The following SBF2 variants were observed in gnomAD, a reference collection of about 807,000 sequenced individuals.
SBF2 encodes myotubularin-related protein 13.
In SBF2, 112 loss-of-function variants were observed where a neutral mutation model predicts 225.2. The observed-to-expected ratio is 0.50, with a 90% CI of 0.43 to 0.58. The LOEUF is 0.58. Among genes scored for constraint, SBF2 ranks in the 20% least tolerant of loss-of-function variants. The probability of loss-of-function intolerance (pLI) is 0.00; values close to 1 mark genes in which losing one functional copy is unlikely to be tolerated. For missense variants in SBF2, 1,996 were observed against 2,206.2 expected (o/e 0.90, Z 1.91); for synonymous variants, 763 against 773.3 (o/e 0.99, Z 0.22).
intron 32 of SBF2, among the ~76,000 whole-genome samples, chr11:9,798,342 G>GAATC (rs530165222): frequency 6.3e-4 from 96 of 152,250 alleles, no homozygotes; most frequent in African/African-American, 2.3e-3. Context: ...TGTTGCTTTG[G>GAATC]AATCAACAGC....
At chr11:10,300,353 C>A (rs1409289993) in intron 1 of SBF2, among the ~76,000 whole-genome samples, 1 of 152,050 alleles carries the variant, frequency 6.6e-6, no homozygotes, top group Non-Finnish European at 1.5e-5. Context: ...ACTATCAATT[C>A]ATTCAGGCTT....
rs746127924 is a variant in SBF2 at position 9,807,985 on chromosome 11, G to A, written c.4443+15C>T. 8 of 1,612,458 alleles carry A rather than the reference G, an allele frequency of 5.0e-6. No individual in the cohort carries two copies. Among genetic ancestry groups the A allele is most frequent in the Admixed American group, 3.3e-5 (2 of 59,976 alleles). On this transcript the variant is annotated intron_variant, in intron 32 of 39. Transcript: ENST00000256190. ...TTTCCTTCATATCAAGTCAACTCAA[G>A]CTTGCTCTACTTACCTGGTGTACAC...
rs1564880115 is a variant in SBF2 at position 9,817,029 on chromosome 11, AC to A, written c.3794-6del. ...AGCGAAGACTTGCCCACACACCTTC[AC>A]AAAAGCCAAAGTCGTGGAGTGAGAT... is the stretch of plus-strand genomic sequence containing the variant. On this transcript the variant is annotated splice_polypyrimidine_tract_variant and splice_region_variant and intron_variant, in intron 28 of 39. Transcript: ENST00000256190. 6.2e-7 allele frequency: 1 copy of A among 1,614,056 alleles called. No individual in the cohort carries two copies.
At chr11:10,295,934 A>T (rs1290349847), upstream of SBF2, among the ~76,000 whole-genome samples, 1 of 152,228 alleles carries the variant, frequency 6.6e-6, no homozygotes. Context: ...TGTAGAATTC[A>T]GTGGCAATTA....
intron 32 of SBF2, among the ~76,000 whole-genome samples, chr11:9,796,291 GTAGT>G (rs1375664401): frequency 1.3e-5 from 2 of 152,124 alleles, no homozygotes; most frequent in African/African-American, 4.8e-5. Context: ...ACATTAAACA[GTAGT>G]TAGTGAGCCC....
chr11:10,128,292 C>A (rs964448792), intron 2 of SBF2, among the ~76,000 whole-genome samples: 2 of 152,164 alleles, frequency 1.3e-5, no homozygotes, highest in African/African-American at 2.4e-5. Context: ...ATATAGAGAG[C>A]ACCTAAACAC....
chr11:9,989,113 A>G (rs971792035), intron 13 of SBF2, among the ~76,000 whole-genome samples: 1 of 151,720 alleles, frequency 6.6e-6, no homozygotes, highest in African/African-American at 2.4e-5. Context: ...CTGTGCAGCC[A>G]TGAAAAGGAA....
intron 2 of SBF2, among the ~76,000 whole-genome samples, chr11:10,158,536 T>C (rs1438031667): frequency 6.6e-6 from 1 of 152,170 alleles, no homozygotes; most frequent in Non-Finnish European, 1.5e-5. Context: ...GAGATTACTA[T>C]GAACAATCAT....
At chr11:9,794,213 GC>G (rs565021725) in intron 33 of SBF2, among the ~76,000 whole-genome samples, 1 of 151,458 alleles carries the variant, frequency 6.6e-6, no homozygotes, top group Non-Finnish European at 1.5e-5. Flanking sequence ...AAATACCACT[GC>G]CCCCCTGCCC....
intron 2 of SBF2, among the ~76,000 whole-genome samples, chr11:10,152,298 T>C (rs1051379398): frequency 1.3e-5 from 2 of 152,094 alleles, no homozygotes; most frequent in African/African-American, 4.8e-5. Flanking sequence ...CACCTGTAAT[T>C]CAAGCACTTT....
intron 16 of SBF2, among the ~76,000 whole-genome samples, chr11:9,909,490 T>G (rs6483810): frequency 0.27 from 41,217 of 151,352 alleles, 6,512 homozygotes; most frequent in African/African-American, 0.44. Flanking sequence ...GCTAACACAG[T>G]GAAACCCCAC....
intron 6 of SBF2, among the ~76,000 whole-genome samples, chr11:10,006,461 G>T (rs1321765697): frequency 1.3e-5 from 2 of 152,160 alleles, no homozygotes; most frequent in Non-Finnish European, 2.9e-5. Flanking sequence ...GGTGGCTTTT[G>T]AAGTAGTTTT....
chr11:10,270,861 G>A (rs1378043774), intron 1 of SBF2, among the ~76,000 whole-genome samples: 1 of 151,908 alleles, frequency 6.6e-6, no homozygotes, highest in Admixed American at 6.6e-5. Context: ...CAAGCCTGGT[G>A]GCGGGGGCCT....
At chr11:9,832,063 A>G (rs560376462) in intron 27 of SBF2, among the ~76,000 whole-genome samples, 161 bp downstream of exon 27, 29 of 152,338 alleles carry the variant, frequency 1.9e-4, no homozygotes, top group African/African-American at 7.0e-4. Flanking sequence ...TATCAAGTAT[A>G]GTTCTTGTTT....
intron 29 of SBF2, among the ~76,000 whole-genome samples, chr11:9,814,274 C>T (rs1335901744): frequency 6.6e-6 from 1 of 152,162 alleles, no homozygotes; most frequent in Non-Finnish European, 1.5e-5. Context: ...GCCCAAATTA[C>T]TCTATTGGAC....
chr11:10,030,288 G>T (rs905263837), intron 4 of SBF2, among the ~76,000 whole-genome samples: 2 of 152,182 alleles, frequency 1.3e-5, no homozygotes, highest in Non-Finnish European at 2.9e-5. Flanking sequence ...CATGTGAATT[G>T]TAAGAAAGGA....
intron 2 of SBF2, among the ~76,000 whole-genome samples, chr11:10,139,770 T>C (rs761409730): frequency 7.2e-5 from 11 of 152,246 alleles, no homozygotes; most frequent in Admixed American, 7.2e-4. Context: ...AAGTAAGTTA[T>C]TGTCCTCATT....
chr11:9,880,973 T>C (rs1717708884), intron 17 of SBF2, among the ~76,000 whole-genome samples: 3 of 152,172 alleles, frequency 2.0e-5, no homozygotes, highest in Non-Finnish European at 2.9e-5. Context: ...GCCTCAGAAA[T>C]GCATGCCTTA....
chr11:9,812,100 T>A lies in SBF2; in HGVS notation c.4155+432A>T, dbSNP rs547587588. 5.3e-5 allele frequency among the ~76,000 whole-genome samples: 8 copies of A among 151,826 alleles called. No individual in the cohort carries two copies. The East Asian group carries it at 1.6e-3, about 29-fold the overall frequency. On this transcript the variant is annotated intron_variant, in intron 30 of 39. Transcript: ENST00000256190. ...TGTGCCTTTGGTGGGTAGTGTGGGGTGGATCTAAAATCTAGAGACCTGGGA... is the reference window on the plus strand; with the variant it reads ...TGTGCCTTTGGTGGGTAGTGTGGGGAGGATCTAAAATCTAGAGACCTGGGA...
Sources: allele counts gnomAD v4.1 joint callset (sites outside exome capture counted in the v4.1 genomes callset), GRCh38; gene constraint gnomAD v4.1.1; transcripts MANE v1.5; gene names NCBI Gene and HGNC (gene_info 2026-07-23, HGNC 2026-07-21).